PUDP: variants seen among roughly 807,000 people sequenced by gnomAD.
The protein encoded by PUDP is pseudouridine-5'-phosphatase.
In PUDP, 8 loss-of-function variants were observed where a neutral mutation model predicts 9.4. The ratio of observed to expected loss-of-function variants is 0.85; its 90% CI spans 0.50 to 1.53. The LOEUF (loss-of-function observed/expected upper bound fraction) is 1.53, where lower values mean the gene tolerates loss of function less well. Among genes scored for constraint, PUDP ranks in the 40% most tolerant of loss-of-function variants. PUDP has a pLI of 0.00. For missense variants in PUDP, 188 were observed against 189.7 expected (o/e 0.99, Z 0.05); for synonymous variants, 99 against 80.7 (o/e 1.23, Z -1.22).
Position 6,795,081 on chromosome X carries a change from A to G in PUDP, c.*248-88615T>C, listed in dbSNP as rs1364534275. Among the ~76,000 whole-genome samples, 39 of 110,296 alleles carry G rather than the reference A, an allele frequency of 3.5e-4. 2 individuals carry two copies. The highest frequency in any genetic ancestry group is 1.5e-4 in the Non-Finnish European group (8 of 52,805). On this transcript the variant is annotated intron_variant and NMD_transcript_variant, in intron 3 of 3. Transcript: ENST00000655425. ...TTTAAACTTTAAAAAAAAACCCTAAAACACAAACACATAACTTTGTCTAGG... is the reference window on the plus strand; with the variant it reads ...TTTAAACTTTAAAAAAAAACCCTAAGACACAAACACATAACTTTGTCTAGG...
chrX:7,004,443 G>A (rs1035152675), intron 1 of PUDP, among the ~76,000 whole-genome samples: 1 of 111,523 alleles, frequency 9.0e-6, no homozygotes, highest in African/African-American at 3.3e-5. Flanking sequence ...GGTTCTGACT[G>A]ACTTCTTAAC....
intron 3 of PUDP, among the ~76,000 whole-genome samples, chrX:6,907,380 C>G (rs747111505): frequency 8.9e-6 from 1 of 111,896 alleles, no homozygotes; most frequent in Admixed American, 9.5e-5. Flanking sequence ...GTCCTTATAG[C>G]ACCGTAAGAA....
At chrX:7,008,025 G>A (rs780183001) in intron 1 of PUDP, among the ~76,000 whole-genome samples, 9 of 109,720 alleles carry the variant, frequency 8.2e-5, no homozygotes, top group Non-Finnish European at 1.3e-4. Context: ...GTGCAGTGGC[G>A]TGATCTTGGC....
At chrX:6,740,740 C>G (rs16984301) in intron 3 of PUDP, among the ~76,000 whole-genome samples, 5,878 of 111,917 alleles carry the variant, frequency 0.053, 184 homozygotes, top group African/African-American at 0.087. Flanking sequence ...TCAGTAATAC[C>G]AAGAGGGCTG....
intron 1 of PUDP, among the ~76,000 whole-genome samples, chrX:7,024,538 A>T (rs755259786): frequency 2.4e-4 from 26 of 109,127 alleles, no homozygotes; most frequent in African/African-American, 8.3e-4. Context: ...GTTTTGAAAC[A>T]ATATTATGTT....
At chrX:7,029,561 C>T (rs1248406784) in intron 1 of PUDP, among the ~76,000 whole-genome samples, 3 of 112,333 alleles carry the variant, frequency 2.7e-5, no homozygotes, top group Non-Finnish European at 5.6e-5. Flanking sequence ...GTGCCAATTT[C>T]AATCTCCTGA....
chrX:6,899,256 T>C (rs1927637261), intron 3 of PUDP, among the ~76,000 whole-genome samples: 1 of 112,846 alleles, frequency 8.9e-6, no homozygotes, highest in South Asian at 3.6e-4. Context: ...TTTTCCTGTC[T>C]ATACAATCAT....
At chrX:7,032,482 G>T (rs748821761) in intron 1 of PUDP, among the ~76,000 whole-genome samples, 1 of 112,240 alleles carries the variant, frequency 8.9e-6, no homozygotes, top group East Asian at 2.8e-4. Flanking sequence ...ATCAAAGGAT[G>T]AATGGATAAA....
rs200712449 is a variant in PUDP at position 6,735,051 on chromosome X, C to T, written c.*248-28585G>A. The stretch of plus-strand genomic sequence containing the variant: ...CAAGTGCTCCCAACCACAATCTGTT[C>T]TACATCAAAATAATTCATTTAACCT... On this transcript the variant is annotated intron_variant and NMD_transcript_variant, in intron 3 of 3. Transcript: ENST00000655425. 1.2e-4 allele frequency among the ~76,000 whole-genome samples: 13 copies of T among 112,065 alleles called. No individual in the cohort carries two copies. The East Asian group carries it at 2.5e-3, about 22-fold the overall frequency.
intron 2 of PUDP, among the ~76,000 whole-genome samples, chrX:7,103,226 T>C (rs1470225979): frequency 9.0e-6 from 1 of 111,642 alleles, no homozygotes; most frequent in Non-Finnish European, 1.9e-5. Context: ...ACTAATAGAA[T>C]AGAATAGATA....
intron 3 of PUDP, among the ~76,000 whole-genome samples, chrX:6,963,998 A>G (rs1928745276): frequency 8.9e-6 from 1 of 112,241 alleles, no homozygotes; most frequent in East Asian, 2.8e-4. Flanking sequence ...TGTTCAAATC[A>G]CTCAGGGATA....
At chrX:7,066,301 G>T (rs1930552239) in intron 3 of PUDP, among the ~76,000 whole-genome samples, 2 of 111,832 alleles carry the variant, frequency 1.8e-5, no homozygotes, top group Admixed American at 9.5e-5. Context: ...ACGAGGCATG[G>T]ATTTTTTTGA....
intron 3 of PUDP, among the ~76,000 whole-genome samples, chrX:6,976,853 A>G (rs1928964072): frequency 8.9e-6 from 1 of 112,110 alleles, no homozygotes; most frequent in East Asian, 2.8e-4. Context: ...TACTGTTCTC[A>G]GAGCCAAAGC....
intron 3 of PUDP, among the ~76,000 whole-genome samples, chrX:7,055,546 G>A (rs1398396866): frequency 9.0e-6 from 1 of 110,889 alleles, no homozygotes; most frequent in East Asian, 2.8e-4. Flanking sequence ...GTGACCCACC[G>A]TGCCCAGCCC....
intron 1 of PUDP, among the ~76,000 whole-genome samples, chrX:7,040,452 A>AG (rs1407936325): frequency 1.8e-5 from 2 of 111,287 alleles, no homozygotes; most frequent in African/African-American, 6.5e-5. Flanking sequence ...AGGAAAGGGC[A>AG]GGGGGACAAA....
At chrX:6,848,736 C>T (rs1002040824) in intron 3 of PUDP, among the ~76,000 whole-genome samples, 2 of 111,553 alleles carry the variant, frequency 1.8e-5, no homozygotes, top group African/African-American at 3.3e-5. Flanking sequence ...TTAGTTCACG[C>T]GAGATCTGGT....
intron 3 of PUDP, among the ~76,000 whole-genome samples, chrX:7,058,111 G>A (rs1362983537): frequency 9.0e-6 from 1 of 111,480 alleles, no homozygotes; most frequent in Non-Finnish European, 1.9e-5. Flanking sequence ...TTCCAATCCT[G>A]CACACCGGGA....
intron 1 of PUDP, among the ~76,000 whole-genome samples, chrX:7,025,272 T>C (rs1929693891): frequency 8.9e-6 from 1 of 112,014 alleles, no homozygotes; most frequent in Non-Finnish European, 1.9e-5. Flanking sequence ...TTCACCCTGA[T>C]AGAAGTTACT....
At chrX:6,913,009 G>T (rs1297639772) in intron 3 of PUDP, among the ~76,000 whole-genome samples, 2 of 111,801 alleles carry the variant, frequency 1.8e-5, no homozygotes, top group Non-Finnish European at 3.8e-5. Context: ...TTTATTACAT[G>T]AATATAGCAG....
Sources: gnomAD v4.1 joint callset for allele counts (sites outside exome capture counted in the v4.1 genomes callset) on GRCh38, gnomAD v4.1.1 for gene constraint, MANE v1.5 for transcripts, NCBI Gene and HGNC (gene_info 2026-07-23, HGNC 2026-07-21) for gene names.